COL13A1: variants seen among roughly 807,000 people sequenced by gnomAD.
COL13A1 encodes collagen alpha-1(XIII) chain.
A neutral mutation model predicts 130.9 loss-of-function variants in COL13A1; 89 were observed. That is an observed-to-expected ratio of 0.68 (90% CI 0.57 to 0.81). COL13A1 has a LOEUF of 0.81. Among genes scored for constraint, COL13A1 ranks in the 30% least tolerant of loss-of-function variants. COL13A1 has a pLI of 0.00. For synonymous variants in COL13A1, 402 were observed against 341.6 expected, an observed-to-expected ratio of 1.18 and a Z score of -1.95; for missense variants, 879 against 934.6, an observed-to-expected ratio of 0.94 and a Z score of 0.78.
intron 1 of COL13A1, among the ~76,000 whole-genome samples, chr10:69,809,837 G>T (rs933330360): frequency 6.6e-6 from 1 of 152,216 alleles, no homozygotes; most frequent in Non-Finnish European, 1.5e-5. Context: ...GGAAGCCCTT[G>T]TCCAGTCTTG....
At chr10:69,944,028 G>T in intron 35 of COL13A1, 97 bp from the exon 36 acceptor site, 1 of 970,824 alleles carries the variant, frequency 1.0e-6, no homozygotes. Context: ...TCTGAAAACT[G>T]GGCCTTGGAC....
At position 69,930,064 on chromosome 10, in the gene COL13A1, C is replaced by T; in HGVS notation, c.1507C>T (p.Pro503Ser). 1.9e-6 allele frequency: 3 copies of T among 1,613,976 alleles called. No individual in the cohort carries two copies. The highest frequency in any genetic ancestry group is 2.5e-6 in the Non-Finnish European group (3 of 1,179,872). Reference protein sequence around the residue: ...GQKGEIGLPGPPGHDGEKGPR... With the variant: ...GQKGEIGLPGSPGHDGEKGPR... Reference sequence around the variant, plus strand: ...ACAGGGGGAGATTGGACTGCCAGGCCCTCCAGGACACGATGGGGAAAAGGT... The same window carrying T: ...ACAGGGGGAGATTGGACTGCCAGGCTCTCCAGGACACGATGGGGAAAAGGT... The change falls in exon 29 of 41, where the codon CCT becomes TCT. Residue 503 changes from proline to serine, a missense_variant. Coordinates refer to ENST00000645393, the MANE Select transcript of COL13A1 (RefSeq NM_001368882.1).
intron 2 of COL13A1, among the ~76,000 whole-genome samples, chr10:69,845,449 T>C (rs955117293): frequency 6.6e-6 from 1 of 152,164 alleles, no homozygotes; most frequent in Non-Finnish European, 1.5e-5. Context: ...CACCTCAGCC[T>C]GCCAAAGTGC....
At position 69,938,559 on chromosome 10, in the gene COL13A1, T is replaced by C. The variant is rs374065773; in HGVS notation, c.1878+844T>C. On this transcript the variant is annotated intron_variant, in intron 34 of 40. Coordinates refer to ENST00000645393, the MANE Select transcript of COL13A1 (RefSeq NM_001368882.1). ...CAAGCCAGAGGCTGATCTGAGGCCA[T>C]GGCCTTGCAAAGCGACTCCTTCCAG... Among the ~76,000 whole-genome samples, 7 of 152,286 alleles carry C rather than the reference T, an allele frequency of 4.6e-5. No homozygotes were observed. In the East Asian group the frequency reaches 1.4e-3, roughly 30 times the overall value.
intron 30 of COL13A1, among the ~76,000 whole-genome samples, chr10:69,930,846 T>C (rs1226710888): frequency 1.3e-5 from 2 of 152,234 alleles, no homozygotes; most frequent in African/African-American, 4.8e-5. Context: ...AATAATGTTT[T>C]CCCTGGATAC....
rs2060022167 is a variant in COL13A1 at position 69,880,514 on chromosome 10, A to C, written c.474A>C (p.Gly158=). Residue 158 remains glycine, a synonymous_variant, in exon 7 of 41, where the codon GGA becomes GGC. Transcript: ENST00000645393. ...CTCTCTCCCCGCAGGGGTCCCCCGG[A>C]GACGCTGGGCTGTCCATCATTGGTC... The part of the protein sequence containing the change: ...KGQPGEKGSP[G]DAGLSIIGPR... The C allele has an allele frequency of 6.2e-7, 1 of 1,612,720 alleles. No homozygotes were observed. The highest frequency in any genetic ancestry group is 8.5e-7 in the Non-Finnish European group (1 of 1,178,996).
chr10:69,906,100 A>G (rs1485108984), intron 17 of COL13A1, among the ~76,000 whole-genome samples: 1 of 152,222 alleles, frequency 6.6e-6, no homozygotes, highest in Non-Finnish European at 1.5e-5. Context: ...CTGCACAAAT[A>G]ACCCCAGTGA....
chr10:69,951,904 A>AG (rs1396253345), intron 38 of COL13A1, among the ~76,000 whole-genome samples: 1 of 152,152 alleles, frequency 6.6e-6, no homozygotes, highest in Non-Finnish European at 1.5e-5. Context: ...AAGACTCCCT[A>AG]GGGGCATACT....
intron 13 of COL13A1, chr10:69,897,586 C>T (rs540794469): frequency 5.2e-5 from 82 of 1,585,672 alleles, no homozygotes; most frequent in Non-Finnish European, 6.9e-5. Context: ...GCTTCCTGAA[C>T]ATACAGCCCA....
intron 3 of COL13A1, among the ~76,000 whole-genome samples, chr10:69,871,917 A>G (rs775572459): frequency 6.6e-6 from 1 of 152,246 alleles, no homozygotes; most frequent in Non-Finnish European, 1.5e-5. Flanking sequence ...ACACTGAGGC[A>G]CAGAGAGACC....
chr10:69,823,376 G>A (rs1001605644), intron 2 of COL13A1, among the ~76,000 whole-genome samples: 6 of 152,210 alleles, frequency 3.9e-5, no homozygotes, highest in African/African-American at 1.4e-4. Flanking sequence ...GGTGGGGAAG[G>A]AAGGCCTAAA....
intron 2 of COL13A1, among the ~76,000 whole-genome samples, chr10:69,841,123 G>T (rs1851491835): frequency 6.6e-6 from 1 of 151,316 alleles, no homozygotes; most frequent in African/African-American, 2.4e-5. Context: ...GGGCTTAGGA[G>T]CAGGGCTCTC....
chr10:69,936,878 T>TTCCTAGAAGACCCATTTTCCTAGA, intron 33 of COL13A1, 96 bp downstream of exon 33: 2 of 1,460,242 alleles, frequency 1.4e-6, no homozygotes, highest in South Asian at 2.3e-5. Context: ...TAGAAGGCAT[T>TTCCTAGAAGACCCATTTTCCTAGA]AGGTGACACT....
At chr10:69,867,953 T>C in intron 3 of COL13A1, 148 bp downstream of exon 3, 1 of 627,772 alleles carries the variant, frequency 1.6e-6, no homozygotes, top group Non-Finnish European at 2.9e-6. Context: ...CCAGAATGCC[T>C]CTTGTGGGGA....
intron 2 of COL13A1, among the ~76,000 whole-genome samples, chr10:69,866,299 G>A (rs1338199732): frequency 1.3e-5 from 2 of 152,202 alleles, no homozygotes; most frequent in Non-Finnish European, 2.9e-5. Context: ...GTCACTGGGG[G>A]CATCACCAGA....
At chr10:69,952,709 G>T (rs1001807490) in intron 38 of COL13A1, among the ~76,000 whole-genome samples, 173 bp from the exon 39 acceptor site, 1 of 152,220 alleles carries the variant, frequency 6.6e-6, no homozygotes, top group Non-Finnish European at 1.5e-5. Context: ...AGGTTCCTGG[G>T]GGGTGGGGAG....
At chr10:69,825,365 C>A (rs1847222666) in intron 2 of COL13A1, among the ~76,000 whole-genome samples, 1 of 152,186 alleles carries the variant, frequency 6.6e-6, no homozygotes, top group Non-Finnish European at 1.5e-5. Context: ...ATACAATTGT[C>A]AAGTGCCACA....
chr10:69,927,333 T>C (rs943580124), intron 27 of COL13A1, among the ~76,000 whole-genome samples: 2 of 152,136 alleles, frequency 1.3e-5, no homozygotes, highest in African/African-American at 4.8e-5. Context: ...GTCATGGGTG[T>C]CCTCTGTGTA....
intron 6 of COL13A1, among the ~76,000 whole-genome samples, chr10:69,879,250 G>C (rs936686314): frequency 2.0e-5 from 3 of 152,208 alleles, no homozygotes; most frequent in African/African-American, 7.2e-5. Flanking sequence ...ATTGGAACTA[G>C]ACTGTCAGCT....
Sources: gnomAD v4.1 joint callset for allele counts (sites outside exome capture counted in the v4.1 genomes callset) on GRCh38, gnomAD v4.1.1 for gene constraint, MANE v1.5 for transcripts, NCBI Gene and HGNC (gene_info 2026-07-23, HGNC 2026-07-21) for gene names.